CSMD1: variants seen among roughly 807,000 people sequenced by gnomAD.
CSMD1 encodes CUB and Sushi multiple domains 1.
CSMD1 carries 213 observed loss-of-function variants against 417.5 expected under a neutral mutation model. The ratio of observed to expected loss-of-function variants is 0.51; its 90% CI spans 0.46 to 0.57. The LOEUF (loss-of-function observed/expected upper bound fraction) is 0.57. CSMD1 is among the 20% of genes least tolerant of loss of function. CSMD1 has a pLI of 0.00. For synonymous variants in CSMD1, 2,862 were observed against 1,736.8 expected (o/e 1.65, Z -16.11); for missense variants, 6,923 against 4,529.7 (o/e 1.53, Z -15.17).
chr8:4,399,329 C>T (rs1563133084), intron 3 of CSMD1, among the ~76,000 whole-genome samples: 1 of 152,084 alleles, frequency 6.6e-6, no homozygotes. Flanking sequence ...ACAATTTAAA[C>T]AATACACCAT....
intron 2 of CSMD1, among the ~76,000 whole-genome samples, chr8:4,522,101 T>C (rs181757161): frequency 2.6e-5 from 4 of 152,210 alleles, no homozygotes; most frequent in East Asian, 1.9e-4. Context: ...TTCCCATGTG[T>C]TGTGGGAGGA....
At chr8:3,759,192 G>C (rs1026641960) in intron 5 of CSMD1, among the ~76,000 whole-genome samples, 5 of 152,136 alleles carry the variant, frequency 3.3e-5, no homozygotes, top group Non-Finnish European at 7.4e-5. Flanking sequence ...CTCTTGTTGA[G>C]ATGTATACAT....
chr8:3,250,936 T>G (rs759803814), intron 26 of CSMD1, among the ~76,000 whole-genome samples: 33 of 152,348 alleles, frequency 2.2e-4, no homozygotes, highest in Admixed American at 4.6e-4. Flanking sequence ...TAAATTTGTT[T>G]GAGTTCATTG....
intron 1 of CSMD1, among the ~76,000 whole-genome samples, chr8:4,680,587 G>T (rs1805976286): frequency 6.6e-6 from 1 of 151,648 alleles, no homozygotes; most frequent in African/African-American, 2.4e-5. Flanking sequence ...GATAGTTTTT[G>T]TGTTTGTTTT....
chr8:4,304,966 A>C (rs1176569010), intron 3 of CSMD1, among the ~76,000 whole-genome samples: 1 of 152,130 alleles, frequency 6.6e-6, no homozygotes, highest in African/African-American at 2.4e-5. Context: ...TTGCTACACT[A>C]ACGTCTGGAT....
intron 7 of CSMD1, among the ~76,000 whole-genome samples, chr8:3,624,474 C>T (rs754936681): frequency 6.6e-6 from 1 of 152,166 alleles, no homozygotes; most frequent in Admixed American, 6.5e-5. Context: ...AAGGCACTTA[C>T]GATTGATTAT....
intron 1 of CSMD1, among the ~76,000 whole-genome samples, chr8:4,927,033 G>A (rs1806915166): frequency 6.6e-6 from 1 of 151,420 alleles, no homozygotes; most frequent in East Asian, 1.9e-4. Context: ...TAAAAGACAT[G>A]CTTCAGCATT....
chr8:4,353,606 G>A (rs548695766), intron 3 of CSMD1, among the ~76,000 whole-genome samples: 2 of 151,446 alleles, frequency 1.3e-5, no homozygotes, highest in Non-Finnish European at 2.9e-5. Context: ...CATGCATAAG[G>A]CAACTAAAGA....
intron 3 of CSMD1, among the ~76,000 whole-genome samples, chr8:4,219,256 A>C (rs758027953): frequency 2.2e-4 from 34 of 152,118 alleles, no homozygotes; most frequent in Admixed American, 2.6e-4. Flanking sequence ...TATAGTTACC[A>C]CTTTACAAAT....
intron 3 of CSMD1, among the ~76,000 whole-genome samples, chr8:4,244,547 A>G (rs956808980): frequency 4.0e-5 from 6 of 151,602 alleles, no homozygotes; most frequent in Non-Finnish European, 5.9e-5. Context: ...CTTTTTTCTT[A>G]TCAGGTTTAA....
chr8:3,971,224 C>T (rs1813064995), intron 5 of CSMD1, among the ~76,000 whole-genome samples: 1 of 152,140 alleles, frequency 6.6e-6, no homozygotes, highest in Non-Finnish European at 1.5e-5. Flanking sequence ...CTGCTTCTGC[C>T]TACAGACCAT....
chr8:4,896,009 G>C (rs182013125), intron 1 of CSMD1, among the ~76,000 whole-genome samples: 383 of 152,040 alleles, frequency 2.5e-3, no homozygotes, highest in Admixed American at 4.7e-3. Flanking sequence ...ACCATTTTCT[G>C]ATTGAGATAT....
chr8:4,707,280 T>C (rs1024488475), intron 1 of CSMD1, among the ~76,000 whole-genome samples: 4 of 152,212 alleles, frequency 2.6e-5, no homozygotes, highest in African/African-American at 9.6e-5. Context: ...ATTAGGTCTT[T>C]AAACATGAGG....
At chr8:3,305,669 A>T (rs999430328) in intron 25 of CSMD1, among the ~76,000 whole-genome samples, 2 of 152,100 alleles carry the variant, frequency 1.3e-5, no homozygotes, top group Admixed American at 1.3e-4. Flanking sequence ...TAAACTTCTT[A>T]ACTTACTAAG....
At chr8:3,736,526 T>G (rs140811978) in intron 6 of CSMD1, among the ~76,000 whole-genome samples, 2 of 152,314 alleles carry the variant, frequency 1.3e-5, no homozygotes, top group African/African-American at 4.8e-5. Context: ...ATCACTGGTG[T>G]GGACCACATG....
intron 3 of CSMD1, among the ~76,000 whole-genome samples, chr8:4,404,166 C>G (rs568346410): frequency 2.0e-5 from 3 of 152,182 alleles, no homozygotes; most frequent in East Asian, 3.8e-4. Context: ...CCGGAACACT[C>G]TATTTAATAT....
In CSMD1 at chr8:3,556,316, C is replaced by T. The variant is rs1389244770; in HGVS notation, c.1344+18629G>A. The stretch of plus-strand genomic sequence containing the variant: ...ACCCTTCCCAGCCTCTGATAAACAT[C>T]CTTCTACTATGTCCATGAGTTCAAT... On this transcript the variant is annotated intron_variant, in intron 10 of 69. Coordinates refer to ENST00000635120, the MANE Select transcript of CSMD1 (RefSeq NM_033225.6). 2.0e-5 allele frequency among the ~76,000 whole-genome samples: 3 copies of T among 149,402 alleles called. No individual in the cohort carries two copies. In the East Asian group the frequency reaches 5.9e-4, roughly 30 times the overall value.
At chr8:3,753,221 G>C (rs1227125292) in intron 6 of CSMD1, among the ~76,000 whole-genome samples, 1 of 152,140 alleles carries the variant, frequency 6.6e-6, no homozygotes, top group African/African-American at 2.4e-5. Context: ...TATTTTCAAA[G>C]TCATGTTATT....
chr8:4,349,661 A>T (rs1268301247), intron 3 of CSMD1, among the ~76,000 whole-genome samples: 1 of 152,190 alleles, frequency 6.6e-6, no homozygotes, highest in East Asian at 1.9e-4. Context: ...ATTTGGCTAA[A>T]TGGTAAATTT....
Sources: allele counts gnomAD v4.1 joint callset (sites outside exome capture counted in the v4.1 genomes callset), GRCh38; gene constraint gnomAD v4.1.1; transcripts MANE v1.5; gene names NCBI Gene and HGNC (gene_info 2026-07-23, HGNC 2026-07-21).